The following RBFOX1 variants were observed in gnomAD, a reference collection of about 807,000 sequenced individuals.
RBFOX1 encodes RNA binding protein fox-1 homolog 1.
A neutral mutation model predicts 57.7 loss-of-function variants in RBFOX1; 8 were observed. The ratio of observed to expected loss-of-function variants is 0.14; its 90% CI spans 0.08 to 0.25. RBFOX1 has a LOEUF of 0.25. Ranked by LOEUF, RBFOX1 falls within the 10% of genes least tolerant of loss-of-function variation. The pLI, the probability that RBFOX1 is intolerant of heterozygous loss-of-function variation, is 1.00. For missense variants in RBFOX1, 611 were observed against 548.5 expected (o/e 1.11, Z -1.14); for synonymous variants, 326 against 222.4 (o/e 1.47, Z -4.15).
chr16:5,531,784 C>T (rs1335071857), intron 2 of RBFOX1, among the ~76,000 whole-genome samples: 1 of 148,122 alleles, frequency 6.8e-6, no homozygotes, highest in East Asian at 2.0e-4. Context: ...GTCAAAGGGA[C>T]ATGACATGTC....
At chr16:7,106,714 TA>T (rs1436258880) in intron 4 of RBFOX1, among the ~76,000 whole-genome samples, 12 of 152,104 alleles carry the variant, frequency 7.9e-5, no homozygotes, top group African/African-American at 2.7e-4. Flanking sequence ...GTGCTTGAGA[TA>T]TGAATTCATG....
At chr16:5,296,559 TAAAAAA>T (rs529106351) in intron 1 of RBFOX1, among the ~76,000 whole-genome samples, 40 of 149,390 alleles carry the variant, frequency 2.7e-4, no homozygotes, top group African/African-American at 8.5e-4. Flanking sequence ...ATTTTTTAAT[TAAAAAA>T]AAAAAAATTT....
intron 2 of RBFOX1, among the ~76,000 whole-genome samples, chr16:5,551,177 C>T (rs1174509485): frequency 1.3e-5 from 2 of 152,336 alleles, no homozygotes; most frequent in East Asian, 3.9e-4. Context: ...AGATAAGTAA[C>T]TGTCTCTGGA....
chr16:5,309,369 C>T (rs7201327), intron 1 of RBFOX1, among the ~76,000 whole-genome samples: 37,341 of 152,092 alleles, frequency 0.25, 5,234 homozygotes, highest in African/African-American at 0.39. Flanking sequence ...TAGCTCTCCT[C>T]TCAGACAAAA....
intron 4 of RBFOX1, among the ~76,000 whole-genome samples, chr16:7,332,319 T>G (rs2096708812): frequency 6.6e-6 from 1 of 152,222 alleles, no homozygotes; most frequent in African/African-American, 2.4e-5. Flanking sequence ...GTAAATAATT[T>G]AACTCTGTCT....
chr16:6,444,735 G>A (rs1442748563), intron 2 of RBFOX1, among the ~76,000 whole-genome samples: 1 of 152,114 alleles, frequency 6.6e-6, no homozygotes, highest in African/African-American at 2.4e-5. Flanking sequence ...AAAATGCAGA[G>A]TCTGTGTGGC....
At chr16:7,471,211 G>A (rs993495671) in intron 4 of RBFOX1, among the ~76,000 whole-genome samples, 10 of 152,122 alleles carry the variant, frequency 6.6e-5, no homozygotes, top group African/African-American at 2.4e-4. Context: ...GTGCCTGTTT[G>A]TTCATTGCAT....
chr16:6,893,469 T>C (rs1369299602), intron 3 of RBFOX1, among the ~76,000 whole-genome samples: 1 of 152,198 alleles, frequency 6.6e-6, no homozygotes, highest in African/African-American at 2.4e-5. Flanking sequence ...CTCTAGTAGC[T>C]GTGCGATAGA....
Position 6,847,040 on chromosome 16 carries a change from A to C in RBFOX1, c.-16+192390A>C, listed in dbSNP as rs557986893. On this transcript the variant is annotated intron_variant, in intron 3 of 15. Coordinates refer to ENST00000550418, the MANE Select transcript of RBFOX1 (RefSeq NM_018723.4). Reference sequence around the variant, plus strand: ...GTGTTAAATCCCACAGCTGCAAAATAGATTCATTTCTGCCTCTCTTGTAAA... The same window carrying C: ...GTGTTAAATCCCACAGCTGCAAAATCGATTCATTTCTGCCTCTCTTGTAAA... Among the ~76,000 whole-genome samples, 134 of 152,250 alleles carry C rather than the reference A, an allele frequency of 8.8e-4. 1 individual carries two copies. The highest frequency in any genetic ancestry group is 1.5e-3 in the Non-Finnish European group (99 of 68,018).
intron 4 of RBFOX1, among the ~76,000 whole-genome samples, chr16:7,382,504 G>A (rs2097796497): frequency 6.6e-6 from 1 of 152,200 alleles, no homozygotes. Context: ...AATACTGACA[G>A]TGTTACAAAG....
intron 1 of RBFOX1, among the ~76,000 whole-genome samples, chr16:6,304,210 C>T (rs1176438446): frequency 1.3e-5 from 2 of 151,714 alleles, no homozygotes; most frequent in South Asian, 2.1e-4. Context: ...ATCACTTGAA[C>T]CCAAGAGGCG....
At chr16:6,940,145 T>G (rs976352726) in intron 3 of RBFOX1, among the ~76,000 whole-genome samples, 1 of 151,996 alleles carries the variant, frequency 6.6e-6, no homozygotes, top group African/African-American at 2.4e-5. Context: ...TGAGCCAAGA[T>G]CACGCTGCTC....
intron 4 of RBFOX1, among the ~76,000 whole-genome samples, chr16:7,097,377 T>C (rs1055098535): frequency 6.6e-6 from 1 of 151,800 alleles, no homozygotes; most frequent in Non-Finnish European, 1.5e-5. Flanking sequence ...TAGATTAGAG[T>C]TGCTTGCATC....
intron 4 of RBFOX1, among the ~76,000 whole-genome samples, chr16:5,922,974 G>C (rs1346526626): frequency 6.6e-6 from 1 of 152,194 alleles, no homozygotes; most frequent in Non-Finnish European, 1.5e-5. Context: ...TTGAGCAGAG[G>C]ATGTGGAGGA....
chr16:6,421,536 C>T (rs1423922173), intron 2 of RBFOX1, among the ~76,000 whole-genome samples: 1 of 152,140 alleles, frequency 6.6e-6, no homozygotes, highest in East Asian at 1.9e-4. Context: ...CAAACGTTGA[C>T]ACATTCATTA....
chr16:6,384,433 C>A (rs2092096259), intron 2 of RBFOX1, among the ~76,000 whole-genome samples: 2 of 152,154 alleles, frequency 1.3e-5, no homozygotes, highest in African/African-American at 4.8e-5. Flanking sequence ...GGCATCCCTG[C>A]TTTAATTCTA....
chr16:7,271,894 A>C (rs2095326791), intron 4 of RBFOX1, among the ~76,000 whole-genome samples: 1 of 151,782 alleles, frequency 6.6e-6, no homozygotes, highest in Non-Finnish European at 1.5e-5. Flanking sequence ...CATATCGATT[A>C]GTTGACATCC....
In RBFOX1 at chr16:7,260,471, AT is replaced by A. The variant is rs549797720; in HGVS notation, c.27+208383del. Among the ~76,000 whole-genome samples the A allele has an allele frequency of 6.9e-3, 1,033 of 150,652 alleles. 6 individuals carry two copies. The highest frequency in any genetic ancestry group is 9.4e-3 in the Non-Finnish European group (637 of 67,554). On this transcript the variant is annotated intron_variant, in intron 4 of 15. Coordinates refer to ENST00000550418, the MANE Select transcript of RBFOX1 (RefSeq NM_018723.4). Reference sequence around the variant, plus strand: ...GTTCTGGGTGCTAAGGCACTGTTTGATTTTTTTTTTCGTGCATATTGATGTA... The same window carrying A: ...GTTCTGGGTGCTAAGGCACTGTTTGATTTTTTTTTCGTGCATATTGATGTA...
At chr16:7,398,676 T>C (rs2098183273) in intron 4 of RBFOX1, among the ~76,000 whole-genome samples, 1 of 152,186 alleles carries the variant, frequency 6.6e-6, no homozygotes, top group African/African-American at 2.4e-5. Flanking sequence ...AACTTATTGA[T>C]GTGATGGGCT....
Sources: gnomAD v4.1 joint callset for allele counts (sites outside exome capture counted in the v4.1 genomes callset) on GRCh38, gnomAD v4.1.1 for gene constraint, MANE v1.5 for transcripts, NCBI Gene and HGNC (gene_info 2026-07-23, HGNC 2026-07-21) for gene names.